Variants in PPM1L observed in about 807,000 individuals in gnomAD.
The protein encoded by PPM1L is protein phosphatase, Mg2+/Mn2+ dependent 1L.
Under a neutral mutation model 31.4 loss-of-function variants are expected in PPM1L, and 13 were observed. That is an observed-to-expected ratio of 0.41 (90% CI 0.27 to 0.66). PPM1L has a LOEUF of 0.66. Ranked by LOEUF, PPM1L falls within the 30% of genes least tolerant of loss-of-function variation. PPM1L has a pLI of 0.29. For missense variants in PPM1L, 326 were observed against 453.7 expected (o/e 0.72, Z 2.56); for synonymous variants, 184 against 175.4 (o/e 1.05, Z -0.39).
rs1720082025 is a variant in PPM1L at position 161,075,876 on chromosome 3, T to C, written c.*6719T>C. On this transcript the variant is annotated 3_prime_UTR_variant, in exon 4 of 4. Transcript: ENST00000498165. ...TTCTGATGAAAATGGATACATGAGA[T>C]CTCATTTATTGCTCTCCTCAACACC... is the stretch of plus-strand genomic sequence containing the variant. 1 of 152,152 alleles carries C rather than the reference T, an allele frequency of 6.6e-6. No individual in the cohort carries two copies. Among genetic ancestry groups the C allele is most frequent in the African/African-American group, 2.4e-5 (1 of 41,434 alleles). The allele number at this position is 152,152 out of a possible 1,614,324, so 9.4% of individuals were successfully genotyped here.
At chr3:160,821,250 G>GT (rs111658067) in intron 1 of PPM1L, among the ~76,000 whole-genome samples, 13,867 of 151,100 alleles carry the variant, frequency 0.092, 970 homozygotes, top group African/African-American at 0.2. Context: ...ATAATTATAT[G>GT]TTTATATGTT....
chr3:160,818,273 G>A (rs533664017), intron 1 of PPM1L, among the ~76,000 whole-genome samples: 1 of 152,122 alleles, frequency 6.6e-6, no homozygotes, highest in Admixed American at 6.6e-5. Flanking sequence ...TAGTGGTGAA[G>A]TTGAAACCAG....
intron 2 of PPM1L, among the ~76,000 whole-genome samples, chr3:160,985,840 C>CA (rs1371593119): frequency 5.9e-5 from 9 of 151,568 alleles, no homozygotes; most frequent in African/African-American, 2.2e-4. Flanking sequence ...TTCCTCTCAC[C>CA]AAAAATTAAA....
intron 2 of PPM1L, among the ~76,000 whole-genome samples, chr3:161,042,250 T>C (rs530274415): frequency 3.3e-5 from 5 of 152,252 alleles, no homozygotes; most frequent in Non-Finnish European, 7.3e-5. Flanking sequence ...ACCTAGGGAA[T>C]GCATCTTTTG....
chr3:161,024,420 C>T (rs773100232), intron 2 of PPM1L, among the ~76,000 whole-genome samples: 4 of 151,038 alleles, frequency 2.6e-5, no homozygotes, highest in Non-Finnish European at 4.4e-5. Context: ...AAGCTCTGGC[C>T]GGGTGCAGTG....
intron 1 of PPM1L, among the ~76,000 whole-genome samples, chr3:160,861,444 T>G (rs769799608): frequency 6.6e-6 from 1 of 152,208 alleles, no homozygotes. Flanking sequence ...ATAATTCTTA[T>G]GCCAATTGCT....
chr3:160,999,210 G>T (rs4679670), intron 2 of PPM1L, among the ~76,000 whole-genome samples: 74 of 152,244 alleles, frequency 4.9e-4, no homozygotes, highest in South Asian at 1.7e-3. Flanking sequence ...CCATTAATAT[G>T]TCCATTTTTA....
intron 1 of PPM1L, among the ~76,000 whole-genome samples, chr3:160,890,489 A>G (rs116779191): frequency 0.03 from 4,596 of 152,342 alleles, 105 homozygotes; most frequent in South Asian, 0.063. Context: ...ACAGGACACA[A>G]AGGGAAAAAC....
chr3:160,977,858 T>C (rs111782450), intron 2 of PPM1L, among the ~76,000 whole-genome samples: 1,969 of 152,268 alleles, frequency 0.013, 41 homozygotes, highest in African/African-American at 0.045. Context: ...TTTTAATAGA[T>C]AAAATAAAAG....
At chr3:161,003,747 A>G (rs995312154) in intron 2 of PPM1L, among the ~76,000 whole-genome samples, 53 of 152,248 alleles carry the variant, frequency 3.5e-4, no homozygotes, top group African/African-American at 1.1e-3. Context: ...GGGCTGAGAC[A>G]ATGGGGTTTT....
At chr3:160,808,137 T>C (rs1019029854) in intron 1 of PPM1L, among the ~76,000 whole-genome samples, 3 of 152,240 alleles carry the variant, frequency 2.0e-5, no homozygotes, top group Non-Finnish European at 2.9e-5. Context: ...AGCTGATTTA[T>C]CTACACTGAA....
chr3:161,002,099 G>T (rs1717507640), intron 2 of PPM1L, among the ~76,000 whole-genome samples: 2 of 151,064 alleles, frequency 1.3e-5, no homozygotes, highest in South Asian at 4.2e-4. Flanking sequence ...TTGGTTTTGT[G>T]TTCTTGCGAT....
chr3:160,815,146 A>C (rs539167773), intron 1 of PPM1L, among the ~76,000 whole-genome samples: 3 of 152,232 alleles, frequency 2.0e-5, no homozygotes, highest in South Asian at 2.1e-4. Flanking sequence ...CCTGTTCCCC[A>C]AAAACTATTG....
At chr3:160,898,143 C>G (rs1327264386) in intron 1 of PPM1L, among the ~76,000 whole-genome samples, 1 of 152,172 alleles carries the variant, frequency 6.6e-6, no homozygotes, top group Non-Finnish European at 1.5e-5. Context: ...TCACTTCACA[C>G]TCATTCCTTT....
In PPM1L at chr3:161,025,717, G is replaced by T. The variant is rs562055621; in HGVS notation, c.575-39686G>T. 3.3e-5 allele frequency among the ~76,000 whole-genome samples: 5 copies of T among 152,244 alleles called. No homozygotes were observed. In the East Asian group the frequency reaches 7.7e-4, roughly 24 times the overall value. On this transcript the variant is annotated intron_variant, in intron 2 of 3. Coordinates refer to ENST00000498165, the MANE Select transcript of PPM1L (RefSeq NM_139245.4). ...GATTTCCCAGCCTCCAGAACTGTGA[G>T]AAAATTAATTTCTGTTCTTTATAAA...
At chr3:160,912,604 A>G (rs907424481) in intron 1 of PPM1L, among the ~76,000 whole-genome samples, 5 of 152,204 alleles carry the variant, frequency 3.3e-5, no homozygotes, top group Non-Finnish European at 7.3e-5. Flanking sequence ...ATTTATCTGG[A>G]TCCCCTAAGA....
chr3:161,044,193 A>G (rs919576662), intron 2 of PPM1L, among the ~76,000 whole-genome samples: 1 of 151,612 alleles, frequency 6.6e-6, no homozygotes, highest in African/African-American at 2.4e-5. Flanking sequence ...GCATGTACCA[A>G]CACGCCCAGC....
chr3:160,864,907 G>T (rs187438081), intron 1 of PPM1L, among the ~76,000 whole-genome samples: 2 of 152,248 alleles, frequency 1.3e-5, no homozygotes, highest in Admixed American at 1.3e-4. Context: ...TAGAAAAATT[G>T]GGTATCTAAA....
chr3:160,825,304 T>C (rs961171074), intron 1 of PPM1L, among the ~76,000 whole-genome samples: 1 of 152,148 alleles, frequency 6.6e-6, no homozygotes, highest in Non-Finnish European at 1.5e-5. Flanking sequence ...ATATTATTAA[T>C]AATATTAACA....
Sources: gnomAD v4.1 joint callset for allele counts (sites outside exome capture counted in the v4.1 genomes callset) on GRCh38, gnomAD v4.1.1 for gene constraint, MANE v1.5 for transcripts, NCBI Gene and HGNC (gene_info 2026-07-23, HGNC 2026-07-21) for gene names.